TSPEAR: variants seen among roughly 807,000 people sequenced by gnomAD.
TSPEAR encodes the protein thrombospondin type laminin G domain and EAR repeats, also known as thrombospondin-type laminin G domain and EAR repeat-containing protein.
A neutral mutation model predicts 71.6 loss-of-function variants in TSPEAR; 69 were observed. That is an observed-to-expected ratio of 0.96 (90% confidence interval 0.79 to 1.18). The LOEUF is 1.18. TSPEAR is among the 50% of genes most tolerant of loss of function. The pLI, the probability that TSPEAR is intolerant of heterozygous loss-of-function variation, is 0.00. For synonymous variants in TSPEAR, 402 were observed against 387.2 expected, an observed-to-expected ratio of 1.04 and a Z score of -0.45; for missense variants, 971 against 894.9, an observed-to-expected ratio of 1.09 and a Z score of -1.09.
In TSPEAR at chr21:44,584,554, A is replaced by C. The variant is rs114697782; in HGVS notation, c.83-16549T>G. Reference sequence around the variant, plus strand: ...AGCTTAGTTTTTCTTTAACATAGGCACATAGAATCTCTTGCTTTATCTTTT... The same window carrying C: ...AGCTTAGTTTTTCTTTAACATAGGCCCATAGAATCTCTTGCTTTATCTTTT... On this transcript the variant is annotated intron_variant, in intron 1 of 11. Transcript: ENST00000323084. Among the ~76,000 whole-genome samples the C allele has an allele frequency of 4.6e-3, 700 of 152,330 alleles. 6 individuals are homozygous for C. Among genetic ancestry groups the C allele is most frequent in the Non-Finnish European group, 8.1e-3 (553 of 68,032 alleles).
At position 44,593,587 on chromosome 21, in the gene TSPEAR, C is replaced by T. The variant is rs897592697; in HGVS notation, c.83-25582G>A. On this transcript the variant is annotated intron_variant, in intron 1 of 11. Coordinates refer to ENST00000323084, the MANE Select transcript of TSPEAR (RefSeq NM_144991.3). This position sits in a 1 kb window ranked among gnomAD's most constrained non-coding sequence, Gnocchi z 5.9. ...CCATGACAGGAAGGGAGGTCAGACA[C>T]GCCTCGTTACACCCCCTCCCTTTAG... Among the ~76,000 whole-genome samples the T allele has an allele frequency of 3.3e-5, 5 of 152,192 alleles. No homozygotes were observed. The highest frequency in any genetic ancestry group is 7.3e-5 in the Non-Finnish European group (5 of 68,028).
rs138448981 is a variant in TSPEAR at position 44,698,524 on chromosome 21, C to T, written c.82+12909G>A. Reference sequence around the variant, plus strand: ...GTCCGTCTCCCAGGGCCCTGATGGGCGAGTGTCAGAGGTGGCAGCGGGGTC... The same window carrying T: ...GTCCGTCTCCCAGGGCCCTGATGGGTGAGTGTCAGAGGTGGCAGCGGGGTC... On this transcript the variant is annotated intron_variant, in intron 1 of 11. Transcript: ENST00000323084. 4.2e-3 allele frequency among the ~76,000 whole-genome samples: 646 copies of T among 152,340 alleles called. 3 individuals are homozygous for T. The highest frequency in any genetic ancestry group is 0.022 in the South Asian group (107 of 4,826).
intron 8 of TSPEAR, among the ~76,000 whole-genome samples, chr21:44,525,106 G>T (rs983416545): frequency 6.6e-6 from 1 of 151,600 alleles, no homozygotes; most frequent in Non-Finnish European, 1.5e-5. Context: ...CAGGTTGTCA[G>T]TCAGCCAATC....
At chr21:44,517,844 C>G (rs1287813425) in intron 9 of TSPEAR, 4 of 471,088 alleles carry the variant, frequency 8.5e-6, no homozygotes, top group Non-Finnish European at 1.8e-5. Flanking sequence ...AGGTAACTTT[C>G]CTTTGCTCTC....
chr21:44,524,812 ACAGT>A (rs1219952765), intron 8 of TSPEAR, among the ~76,000 whole-genome samples: 76 of 150,554 alleles, frequency 5.0e-4, no homozygotes, highest in Middle Eastern at 3.8e-3. Context: ...ATTCAGATAG[ACAGT>A]CAGGTAGTTA....
At chr21:44,676,354 A>G in intron 1 of TSPEAR, 2 of 1,139,876 alleles carry the variant, frequency 1.8e-6, no homozygotes, top group Non-Finnish European at 1.3e-6. Context: ...GATGGCCTCA[A>G]CTGCACTACC....
chr21:44,564,379 C>T (rs777923660), intron 2 of TSPEAR, among the ~76,000 whole-genome samples: 15 of 152,094 alleles, frequency 9.9e-5, no homozygotes, highest in Non-Finnish European at 2.1e-4. Flanking sequence ...GTAATAGATA[C>T]TCTGTAAAGT....
chr21:44,616,301 CG>C (rs1982091096), intron 1 of TSPEAR, among the ~76,000 whole-genome samples: 1 of 152,184 alleles, frequency 6.6e-6, no homozygotes, highest in African/African-American at 2.4e-5. Flanking sequence ...GTCTCTAAAG[CG>C]GGGAGAGATC....
At chr21:44,549,554 A>T (rs2053364370) in intron 2 of TSPEAR, among the ~76,000 whole-genome samples, 1 of 152,242 alleles carries the variant, frequency 6.6e-6, no homozygotes, top group African/African-American at 2.4e-5. Context: ...TTGTGATTGT[A>T]TAGCTGTGGA....
rs1987918650 is a variant in TSPEAR at position 44,706,375 on chromosome 21, GCA to G, written c.82+5056_82+5057del. Reference sequence around the variant, plus strand: ...CGCACCCACTTGCACGCCCATGCACGCACACACGCGCGTGCACCCATGCGCAC... The same window carrying G: ...CGCACCCACTTGCACGCCCATGCACGCACACGCGCGTGCACCCATGCGCAC... On this transcript the variant is annotated intron_variant, in intron 1 of 11. Coordinates refer to ENST00000323084, the MANE Select transcript of TSPEAR (RefSeq NM_144991.3). 2.7e-5 allele frequency among the ~76,000 whole-genome samples: 4 copies of G among 148,488 alleles called. No individual in the cohort carries two copies. The South Asian group carries it at 8.7e-4, about 32-fold the overall frequency.
At chr21:44,555,533 G>A (rs1282529342) in intron 2 of TSPEAR, among the ~76,000 whole-genome samples, 7 of 152,210 alleles carry the variant, frequency 4.6e-5, no homozygotes, top group Admixed American at 1.3e-4. Flanking sequence ...GTGGGGAGAC[G>A]TGGGCACTTG....
chr21:44,678,348 C>A (rs1986423101), intron 1 of TSPEAR, among the ~76,000 whole-genome samples: 1 of 151,978 alleles, frequency 6.6e-6, no homozygotes, highest in South Asian at 2.1e-4. Flanking sequence ...ATAATCAGTT[C>A]TTGTGAGATC....
intron 1 of TSPEAR, among the ~76,000 whole-genome samples, chr21:44,599,600 CAA>C (rs1980639334): frequency 6.6e-6 from 1 of 152,260 alleles, no homozygotes; most frequent in South Asian, 2.1e-4. Context: ...GCACCTGGTG[CAA>C]TTTCCAGCAT....
At chr21:44,585,670 A>G (rs587625987) in intron 1 of TSPEAR, among the ~76,000 whole-genome samples, 2 of 152,096 alleles carry the variant, frequency 1.3e-5, no homozygotes, top group African/African-American at 2.4e-5. Context: ...ATTGAATTCC[A>G]TATGTTTGGA....
At chr21:44,574,652 C>T in intron 1 of TSPEAR, 1 of 1,602,914 alleles carries the variant, frequency 6.2e-7, no homozygotes, top group Non-Finnish European at 8.5e-7. Flanking sequence ...CTCTGTGCTG[C>T]CAGCAGTCTA....
intron 1 of TSPEAR, among the ~76,000 whole-genome samples, chr21:44,569,605 T>G (rs233274): frequency 0.45 from 68,805 of 152,062 alleles, 16,460 homozygotes; most frequent in Non-Finnish European, 0.53. Flanking sequence ...GTGAAGAAAG[T>G]GTGGCCTGCT....
chr21:44,507,423 C>T (rs2052229611), intron 10 of TSPEAR, among the ~76,000 whole-genome samples: 1 of 152,206 alleles, frequency 6.6e-6, no homozygotes, highest in Non-Finnish European at 1.5e-5. Context: ...GGCCACATCA[C>T]GTCTCCGGGA....
At chr21:44,535,060 T>C (rs782239524) in intron 2 of TSPEAR, among the ~76,000 whole-genome samples, 4 of 151,808 alleles carry the variant, frequency 2.6e-5, no homozygotes, top group Non-Finnish European at 5.9e-5. Context: ...GAATGGTAGG[T>C]GCCGGGGCTG....
In TSPEAR at chr21:44,509,182, CCTGTGGAG is replaced by C; in HGVS notation, c.1754+9_1754+16del. 6.2e-7 allele frequency: 1 copy of C among 1,610,328 alleles called. No individual in the cohort carries two copies. The highest frequency in any genetic ancestry group is 1.1e-5 in the South Asian group (1 of 90,686). ...CAGAGATCAGCCCACCTCCCACTGG[CCTGTGGAG>C]GCGCATACCTGCAGGTGAGAATGTC... On this transcript the variant is annotated intron_variant, in intron 10 of 11. Transcript: ENST00000323084.
Sources: allele counts gnomAD v4.1 joint callset (sites outside exome capture counted in the v4.1 genomes callset), GRCh38; gene constraint gnomAD v4.1.1; non-coding constraint Gnocchi (gnomAD v3.1); transcripts MANE v1.5; gene names NCBI Gene and HGNC (gene_info 2026-07-23, HGNC 2026-07-21).